DRGX: variants seen among roughly 807,000 people sequenced by gnomAD.
DRGX encodes dorsal root ganglia homeobox.
Under a neutral mutation model 28.6 loss-of-function variants are expected in DRGX, and 21 were observed. That is an observed-to-expected ratio of 0.73 (90% CI 0.52 to 1.06). The LOEUF (loss-of-function observed/expected upper bound fraction) is 1.06. DRGX is among the 50% of genes least tolerant of loss of function. The probability of loss-of-function intolerance (pLI) is 0.00; values close to 1 mark genes in which losing one functional copy is unlikely to be tolerated. For synonymous variants in DRGX, 136 were observed against 139.1 expected (o/e 0.98, Z 0.16); for missense variants, 354 against 343.9 (o/e 1.03, Z -0.23).
intron 6 of DRGX, among the ~76,000 whole-genome samples, chr10:49,383,245 G>C (rs180797100): frequency 6.6e-6 from 1 of 152,226 alleles, no homozygotes; most frequent in African/African-American, 2.4e-5. Context: ...ACTACCGTGA[G>C]AATTGAATGG....
chr10:49,393,921 G>A (rs1055415332), intron 2 of DRGX, among the ~76,000 whole-genome samples: 6 of 152,196 alleles, frequency 3.9e-5, no homozygotes, highest in Non-Finnish European at 5.9e-5. Flanking sequence ...CCCGCAGACA[G>A]ACATTCATGA....
intron 6 of DRGX, among the ~76,000 whole-genome samples, chr10:49,385,982 T>C (rs1849829320): frequency 6.6e-6 from 1 of 151,868 alleles, no homozygotes; most frequent in Non-Finnish European, 1.5e-5. Flanking sequence ...ACGATTTCTA[T>C]CCTTCAGATG....
Position 49,395,265 on chromosome 10 carries a change from T to G in DRGX, c.34+142A>C, listed in dbSNP as rs567447709. The G allele has an allele frequency of 2.7e-4, 265 of 992,176 alleles. 2 individuals carry two copies. The African/African-American group carries it at 3.3e-3, about 12-fold the overall frequency. 61.5% of individuals were successfully genotyped at this position (992,176 alleles called of 1,614,324 possible). On this transcript the variant is annotated intron_variant, in intron 2 of 6. Transcript: ENST00000374139. Reference sequence around the variant, plus strand: ...GCCTGGAGTGGGGTGTAGGGAGGGGTCCAGGGAGGCCCCTACTCACCGGCA... The same window carrying G: ...GCCTGGAGTGGGGTGTAGGGAGGGGGCCAGGGAGGCCCCTACTCACCGGCA...
chr10:49,395,895 G>A (rs1205810646), intron 1 of DRGX, 40 bp downstream of exon 1: 1 of 175,220 alleles, frequency 5.7e-6, no homozygotes, highest in Admixed American at 6.3e-5. Flanking sequence ...CCAAGGCCCG[G>A]CGCTCGGGGC....
chr10:49,374,193 G>A (rs551215078), intron 6 of DRGX, among the ~76,000 whole-genome samples: 2 of 152,228 alleles, frequency 1.3e-5, no homozygotes, highest in Non-Finnish European at 2.9e-5. Context: ...AGACGATGGT[G>A]ACAGATGTTC....
intron 1 of DRGX, 88 bp from the exon 2 acceptor site, chr10:49,395,609 G>A: frequency 1.3e-6 from 1 of 768,438 alleles, no homozygotes; most frequent in Non-Finnish European, 2.1e-6. Context: ...TCCCCTCCTG[G>A]AAAGTCCCTC....
chr10:49,387,526 G>A (rs1849852976), intron 4 of DRGX, among the ~76,000 whole-genome samples: 1 of 152,034 alleles, frequency 6.6e-6, no homozygotes, highest in Admixed American at 6.6e-5. Flanking sequence ...AGACGGGTGT[G>A]GTGGTACATG....
At chr10:49,374,414 C>G (rs552417413) in intron 6 of DRGX, among the ~76,000 whole-genome samples, 4 of 152,300 alleles carry the variant, frequency 2.6e-5, no homozygotes, top group African/African-American at 9.6e-5. Context: ...CCCTTCCTGC[C>G]TGCTCCCACC....
chr10:49,386,396 C>T lies in DRGX; in HGVS notation c.526+82G>A, dbSNP rs1285086813. On this transcript the variant is annotated intron_variant, in intron 6 of 6. Coordinates refer to ENST00000374139, the MANE Select transcript of DRGX (RefSeq NM_001276451.2). ...GCACAGGCCCAGGTGCAAGGACGGC[C>T]GAGCCAAGACCCAGGCCGGTCACAC... 29 of 1,300,708 alleles carry T rather than the reference C, an allele frequency of 2.2e-5. No homozygotes were observed. The South Asian group carries it at 3.0e-4, about 13-fold the overall frequency. 80.6% of individuals were successfully genotyped at this position (1,300,708 alleles called of 1,614,324 possible).
At chr10:49,367,333 A>T (rs1445250297) in intron 6 of DRGX, among the ~76,000 whole-genome samples, 1 of 152,118 alleles carries the variant, frequency 6.6e-6, no homozygotes, top group Non-Finnish European at 1.5e-5. Context: ...ACTGCACTCC[A>T]GCCTGGGCAA....
chr10:49,376,326 G>A (rs1191744209), intron 6 of DRGX, among the ~76,000 whole-genome samples: 1 of 152,202 alleles, frequency 6.6e-6, no homozygotes, highest in Non-Finnish European at 1.5e-5. Flanking sequence ...TCCCCATGAG[G>A]AACGACCACT....
chr10:49,378,758 G>T (rs2132476303), intron 6 of DRGX, among the ~76,000 whole-genome samples: 1 of 152,226 alleles, frequency 6.6e-6, no homozygotes, highest in Admixed American at 6.5e-5. Context: ...ATATCATAAA[G>T]AATCTATGAC....
chr10:49,383,531 C>T (rs879456380), intron 6 of DRGX, among the ~76,000 whole-genome samples: 1 of 152,214 alleles, frequency 6.6e-6, no homozygotes, highest in Non-Finnish European at 1.5e-5. Context: ...AACCAAGGAC[C>T]TGCCAATTTG....
At position 49,364,227 on chromosome 10, in the gene DRGX, C is replaced by T. The variant is rs745459967; in HGVS notation, c.*1889G>A. 2.6e-5 allele frequency: 4 copies of T among 152,160 alleles called. No homozygotes were observed. The highest frequency in any genetic ancestry group is 4.4e-5 in the Non-Finnish European group (3 of 68,028). 9.4% of individuals were successfully genotyped at this position (152,160 alleles called of 1,614,324 possible). A position where few individuals can be genotyped will look rare whatever the true frequency, so the allele number is the denominator to read the frequency against. Reference sequence around the variant, plus strand: ...TTTCAGTAACATCAGGCAGACTTTTCGATATGATCCAGTTTTGCACAGTCA... The same window carrying T: ...TTTCAGTAACATCAGGCAGACTTTTTGATATGATCCAGTTTTGCACAGTCA... On this transcript the variant is annotated 3_prime_UTR_variant, in exon 7 of 7. Transcript: ENST00000374139.
Position 49,386,601 on chromosome 10 carries a change from AAGG to A in DRGX, c.414-14_414-12del, listed in dbSNP as rs779605422. On this transcript the variant is annotated splice_polypyrimidine_tract_variant and intron_variant, in intron 5 of 6. Transcript: ENST00000374139. ...ACCGTTCGCCCCAGGCTGGCAAAGG[AAGG>A]AGATCATATTGAGGTCTCGCCCTGT... 4 of 1,595,822 alleles carry A rather than the reference AAGG, an allele frequency of 2.5e-6. No individual in the cohort carries two copies. The highest frequency in any genetic ancestry group is 2.7e-5 in the African/African-American group (2 of 74,444).
chr10:49,366,049 C>A lies in DRGX; in HGVS notation c.*67G>T, dbSNP rs939354396. ...TTCTCCTTGCTATTTGGAGAGTTTT[C>A]TGTAGGGGCTGAGGCTGGGAGAAGG... On this transcript the variant is annotated 3_prime_UTR_variant, in exon 7 of 7. Transcript: ENST00000374139. 10 of 1,471,018 alleles carry A rather than the reference C, an allele frequency of 6.8e-6. No individual in the cohort carries two copies. The African/African-American group carries it at 1.5e-4, about 21-fold the overall frequency. The allele number at this position is 1,471,018 out of a possible 1,614,324, so 91.1% of individuals were successfully genotyped here.
In DRGX at chr10:49,386,941, A is replaced by G. The variant is rs1294823360; in HGVS notation, c.235-83T>C. ...AACCCTGGACCCAGTGCTGGCACTC[A>G]CAGCTCACCCTGCAGCCTCCTCTCC... On this transcript the variant is annotated intron_variant, in intron 4 of 6. Transcript: ENST00000374139. 1.6e-5 allele frequency: 23 copies of G among 1,447,402 alleles called. No homozygotes were observed. In the East Asian group the frequency reaches 5.6e-4, roughly 35 times the overall value. 89.7% of individuals were successfully genotyped at this position (1,447,402 alleles called of 1,614,324 possible).
intron 6 of DRGX, among the ~76,000 whole-genome samples, chr10:49,382,097 T>G (rs1849782658): frequency 6.6e-6 from 1 of 152,108 alleles, no homozygotes; most frequent in Non-Finnish European, 1.5e-5. Context: ...CTGTCACTAC[T>G]TGCTGGGGAG....
chr10:49,380,673 T>C (rs1849765200), intron 6 of DRGX, among the ~76,000 whole-genome samples: 2 of 152,104 alleles, frequency 1.3e-5, no homozygotes, highest in Non-Finnish European at 2.9e-5. Context: ...AACCAGGAAA[T>C]CCTACAAAGG....
Sources: gnomAD v4.1 joint callset for allele counts (sites outside exome capture counted in the v4.1 genomes callset) on GRCh38, gnomAD v4.1.1 for gene constraint, MANE v1.5 for transcripts, NCBI Gene and HGNC (gene_info 2026-07-23, HGNC 2026-07-21) for gene names.